CYP20A1: variants seen among roughly 807,000 people sequenced by gnomAD.
The protein encoded by CYP20A1 is cytochrome P450 family 20 subfamily A member 1.
In CYP20A1, 61 loss-of-function variants were observed where a neutral mutation model predicts 61.4. That is an observed-to-expected ratio of 0.99 (90% CI 0.81 to 1.23). The LOEUF (loss-of-function observed/expected upper bound fraction) is 1.23. CYP20A1 is among the 50% of genes most tolerant of loss of function. CYP20A1 has a pLI of 0.00. For missense variants in CYP20A1, 530 were observed against 542.4 expected (o/e 0.98, Z 0.23); for synonymous variants, 193 against 188.2 (o/e 1.03, Z -0.21).
chr2:203,271,492 A>G (rs995224474), intron 5 of CYP20A1, among the ~76,000 whole-genome samples: 1 of 152,140 alleles, frequency 6.6e-6, no homozygotes, highest in Non-Finnish European at 1.5e-5. Context: ...GTGTTTAGCC[A>G]TTGTTTAATA....
rs1046072637 is a variant in CYP20A1 at position 203,300,929 on chromosome 2, G to A, written c.*4021G>A. Reference sequence around the variant, plus strand: ...AAAAAAAAAACGGCCAGGCGAGGTGGCTCACACCTGTAATCCCAGCACTTT... The same window carrying A: ...AAAAAAAAAACGGCCAGGCGAGGTGACTCACACCTGTAATCCCAGCACTTT... On this transcript the variant is annotated 3_prime_UTR_variant, in exon 13 of 13. Transcript: ENST00000356079. Among the ~76,000 whole-genome samples, 11 of 147,156 alleles carry A rather than the reference G, an allele frequency of 7.5e-5. No individual in the cohort carries two copies. Among genetic ancestry groups the A allele is most frequent in the Non-Finnish European group, 1.6e-4 (11 of 67,376 alleles).
At chr2:203,270,642 C>A (rs1445535524) in intron 5 of CYP20A1, among the ~76,000 whole-genome samples, 1 of 151,422 alleles carries the variant, frequency 6.6e-6, no homozygotes, top group African/African-American at 2.4e-5. Flanking sequence ...ATCAATTTAA[C>A]TCTTTCATTG....
In CYP20A1 at chr2:203,303,471, G is replaced by C. The variant is rs557111667; in HGVS notation, c.*6563G>C. Among the ~76,000 whole-genome samples, 98 of 151,922 alleles carry C rather than the reference G, an allele frequency of 6.5e-4. 1 individual carries two copies. Among genetic ancestry groups the C allele is most frequent in the African/African-American group, 2.2e-3 (92 of 41,480 alleles). On this transcript the variant is annotated 3_prime_UTR_variant, in exon 13 of 13. Transcript: ENST00000356079. ...AGCACTTTGGGAGGCCAAGGCAGGTGAATCACTTGAGGCCAGGAGTTTGAG... is the reference window on the plus strand; with the variant it reads ...AGCACTTTGGGAGGCCAAGGCAGGTCAATCACTTGAGGCCAGGAGTTTGAG...
intron 4 of CYP20A1, among the ~76,000 whole-genome samples, chr2:203,264,682 G>C (rs576636664): frequency 6.6e-6 from 1 of 151,650 alleles, no homozygotes; most frequent in Admixed American, 6.6e-5. Flanking sequence ...TTTGCTACTT[G>C]TTTTCTATTT....
At chr2:203,239,806 A>C (rs2066184533) in intron 1 of CYP20A1, among the ~76,000 whole-genome samples, 1 of 152,190 alleles carries the variant, frequency 6.6e-6, no homozygotes. Context: ...GTCTGAAAAC[A>C]AAAGTGTTGA....
At chr2:203,293,226 T>TC (rs1345268421) in intron 11 of CYP20A1, among the ~76,000 whole-genome samples, 2 of 146,892 alleles carry the variant, frequency 1.4e-5, no homozygotes, top group East Asian at 2.0e-4. Context: ...CTTTTTTTTT[T>TC]TTTTTTTGAG....
intron 5 of CYP20A1, among the ~76,000 whole-genome samples, chr2:203,267,544 A>G (rs1559095705): frequency 6.7e-6 from 1 of 149,256 alleles, no homozygotes; most frequent in African/African-American, 2.5e-5. Flanking sequence ...TCACTCCAAA[A>G]AAAAAAAAGA....
At chr2:203,272,340 C>G (rs761282230) in intron 5 of CYP20A1, among the ~76,000 whole-genome samples, 11 of 151,882 alleles carry the variant, frequency 7.2e-5, no homozygotes, top group Admixed American at 4.6e-4. Context: ...CTCAGGAGTT[C>G]AAGAACAGCC....
At chr2:203,273,529 G>A (rs966938000) in intron 6 of CYP20A1, among the ~76,000 whole-genome samples, 8 of 152,158 alleles carry the variant, frequency 5.3e-5, no homozygotes, top group Non-Finnish European at 1.2e-4. Context: ...GGCGGCCATG[G>A]CAGCACATGC....
At chr2:203,281,039 G>C (rs2152095475) in intron 8 of CYP20A1, among the ~76,000 whole-genome samples, 1 of 152,288 alleles carries the variant, frequency 6.6e-6, no homozygotes, top group Middle Eastern at 3.4e-3. Flanking sequence ...CGATTTAAAA[G>C]AACTCCTCTC....
chr2:203,256,602 G>A (rs966393441), intron 4 of CYP20A1, among the ~76,000 whole-genome samples: 12 of 151,676 alleles, frequency 7.9e-5, no homozygotes, highest in Non-Finnish European at 1.3e-4. Flanking sequence ...CAGGTGATCC[G>A]CCTGCCTCAG....
rs548648784 is a variant in CYP20A1 at position 203,261,008 on chromosome 2, T to C, written c.433-5506T>C. Among the ~76,000 whole-genome samples the C allele has an allele frequency of 3.7e-4, 57 of 152,142 alleles. 1 individual carries two copies. Among genetic ancestry groups the C allele is most frequent in the Admixed American group, 1.0e-3 (16 of 15,260 alleles). ...TTTTCTTGATTAGTGTTTCCAGAGG[T>C]CTTTATCTGTATGGGTCCATTGGGA... On this transcript the variant is annotated intron_variant, in intron 4 of 12. Coordinates refer to ENST00000356079, the MANE Select transcript of CYP20A1 (RefSeq NM_177538.3).
chr2:203,258,858 C>G (rs539198694), intron 4 of CYP20A1, among the ~76,000 whole-genome samples: 1 of 152,290 alleles, frequency 6.6e-6, no homozygotes, highest in East Asian at 1.9e-4. Context: ...TAAGCACTCA[C>G]CAGTCAGAAT....
At chr2:203,281,515 A>G (rs1250989013) in intron 8 of CYP20A1, among the ~76,000 whole-genome samples, 4 of 151,686 alleles carry the variant, frequency 2.6e-5, no homozygotes, top group African/African-American at 9.7e-5. Flanking sequence ...TCAAAAAACA[A>G]AAGGAGGCCA....
chr2:203,248,542 A>AC (rs1333142692), intron 3 of CYP20A1, among the ~76,000 whole-genome samples: 1 of 152,174 alleles, frequency 6.6e-6, no homozygotes, highest in African/African-American at 2.4e-5. Flanking sequence ...TCAAAAAAAA[A>AC]AGACTCTCAT....
At chr2:203,288,557 GTT>G (rs1297574939) in intron 9 of CYP20A1, among the ~76,000 whole-genome samples, 2 of 151,876 alleles carry the variant, frequency 1.3e-5, no homozygotes, top group Admixed American at 6.6e-5. Flanking sequence ...CTTGTTTATT[GTT>G]GTAGCTCAGT....
intron 4 of CYP20A1, among the ~76,000 whole-genome samples, chr2:203,264,583 T>A (rs1251438307): frequency 1.3e-5 from 2 of 152,136 alleles, no homozygotes; most frequent in Non-Finnish European, 2.9e-5. Context: ...ATCCAGCCTA[T>A]TTTAATCTTT....
intron 1 of CYP20A1, among the ~76,000 whole-genome samples, chr2:203,239,968 C>T (rs1300881754): frequency 2.0e-5 from 3 of 152,062 alleles, no homozygotes; most frequent in African/African-American, 7.2e-5. Context: ...TGGTGGCGGG[C>T]GCCTGTAATC....
intron 1 of CYP20A1, among the ~76,000 whole-genome samples, chr2:203,241,574 T>C (rs952024388): frequency 6.6e-6 from 1 of 152,218 alleles, no homozygotes; most frequent in African/African-American, 2.4e-5. Flanking sequence ...AAGCCAGATG[T>C]TTTAAGCAGA....
Sources: gnomAD v4.1 joint callset for allele counts (sites outside exome capture counted in the v4.1 genomes callset) on GRCh38, gnomAD v4.1.1 for gene constraint, MANE v1.5 for transcripts, NCBI Gene and HGNC (gene_info 2026-07-23, HGNC 2026-07-21) for gene names.